Variants in TTC38 observed in about 807,000 individuals in gnomAD.
The protein encoded by TTC38 is tetratricopeptide repeat protein 38.
In TTC38, 64 loss-of-function variants were observed where a neutral mutation model predicts 64.2. The ratio of observed to expected loss-of-function variants is 1.00; its 90% CI spans 0.81 to 1.23. The LOEUF is 1.23. Ranked by LOEUF, TTC38 falls within the 50% of genes most tolerant of loss-of-function variation. TTC38 has a pLI of 0.00. For missense variants in TTC38, 573 were observed against 615.5 expected, an observed-to-expected ratio of 0.93 and a Z score of 0.73; for synonymous variants, 254 against 249.3, an observed-to-expected ratio of 1.02 and a Z score of -0.18.
Position 46,268,036 on chromosome 22 carries a change from C to G in TTC38, c.-4C>G, listed in dbSNP as rs974091141. 7.1e-6 allele frequency: 11 copies of G among 1,540,630 alleles called. No individual in the cohort carries two copies. The East Asian group carries it at 2.5e-4, about 35-fold the overall frequency. ...GCTCGCGGTGGACTCCGACCCGGCG[C>G]AACATGGCCGCAGCCTCGCCTCTGC... On this transcript the variant is annotated 5_prime_UTR_variant, in exon 1 of 14. Transcript: ENST00000381031.
At position 46,273,938 on chromosome 22, in the gene TTC38, C is replaced by T; in HGVS notation, c.234C>T (p.Gly78=). 1 of 1,614,240 alleles carries T rather than the reference C, an allele frequency of 6.2e-7. No homozygotes were observed. The highest frequency in any genetic ancestry group is 8.5e-7 in the Non-Finnish European group (1 of 1,180,052). The change falls in exon 4 of 14, where the codon GGC becomes GGT. Residue 78 remains glycine, a synonymous_variant. Coordinates refer to ENST00000381031, the MANE Select transcript of TTC38 (RefSeq NM_017931.4). The surrounding 1 kb of genome is among the most constrained non-coding windows in gnomAD (Gnocchi z 5.1). The part of the protein sequence containing the change: ...HAMATGLVLI[G]TGSSVKLDKE... Reference sequence around the variant, plus strand: ...TGGCTACTGGCCTTGTGCTGATTGGCACTGGAAGCTCCGTGAAGCTGGACA... The same window carrying T: ...TGGCTACTGGCCTTGTGCTGATTGGTACTGGAAGCTCCGTGAAGCTGGACA...
In TTC38 at chr22:46,270,438, A is replaced by T. The variant is rs1402673607; in HGVS notation, c.111+1847A>T. On this transcript the variant is annotated intron_variant, in intron 2 of 13. Transcript: ENST00000381031. The surrounding 1 kb of genome is among the most constrained non-coding windows in gnomAD (Gnocchi z 4.7). ...TGTGTAGATGTAGGTTAGACAGCTG[A>T]AAGGGCATATTTTAAAATCTAATGT... Among the ~76,000 whole-genome samples, 1 of 150,442 alleles carries T rather than the reference A, an allele frequency of 6.6e-6. No homozygotes were observed. Among genetic ancestry groups the T allele is most frequent in the East Asian group, 2.0e-4 (1 of 5,110 alleles).
At position 46,291,714 on chromosome 22, in the gene TTC38, G is replaced by A. The variant is rs1007081973; in HGVS notation, c.1317-1077G>A. Among the ~76,000 whole-genome samples, 2 of 152,144 alleles carry A rather than the reference G, an allele frequency of 1.3e-5. No homozygotes were observed. Among genetic ancestry groups the A allele is most frequent in the South Asian group, 2.1e-4 (1 of 4,832 alleles). The stretch of plus-strand genomic sequence containing the variant: ...TCATGCCTGTAATCCCAGCACTTTC[G>A]GAGGCCAAGGCGGGTGGATCACCTG... On this transcript the variant is annotated intron_variant, in intron 13 of 13. Coordinates refer to ENST00000381031, the MANE Select transcript of TTC38 (RefSeq NM_017931.4). The surrounding 1 kb of genome is among the most constrained non-coding windows in gnomAD (Gnocchi z 4.6).
Position 46,287,170 on chromosome 22 carries a change from GC to G in TTC38, c.916+20del. Reference sequence around the variant, plus strand: ...CAGATGGAAGGTAGCCATCCCTGCAGCCCCACTGGCTTCTGCCTCTTCCTCC... The same window carrying G: ...CAGATGGAAGGTAGCCATCCCTGCAGCCCACTGGCTTCTGCCTCTTCCTCC... On this transcript the variant is annotated intron_variant, in intron 10 of 13. Transcript: ENST00000381031. 6.3e-7 allele frequency: 1 copy of G among 1,590,730 alleles called. No homozygotes were observed.
At position 46,292,973 on chromosome 22, in the gene TTC38, G is replaced by C. The variant is rs949768716; in HGVS notation, c.*89G>C. The C allele has an allele frequency of 3.0e-6, 3 of 1,010,106 alleles. No individual in the cohort carries two copies. Among genetic ancestry groups the C allele is most frequent in the Non-Finnish European group, 4.6e-6 (3 of 647,654 alleles). The allele number at this position is 1,010,106 out of a possible 1,614,324, so 62.6% of individuals were successfully genotyped here. Reference sequence around the variant, plus strand: ...CTCCACCGGGTTAGGGTCAGGAGACGGCCAGAGCCTGTTTGTTAGGGCTGT... The same window carrying C: ...CTCCACCGGGTTAGGGTCAGGAGACCGCCAGAGCCTGTTTGTTAGGGCTGT... On this transcript the variant is annotated 3_prime_UTR_variant, in exon 14 of 14. Transcript: ENST00000381031. This position sits in a 1 kb window ranked among gnomAD's most constrained non-coding sequence, Gnocchi z 6.5.
chr22:46,288,643 G>A (rs1249480096), intron 11 of TTC38, 55 bp downstream of exon 11: 6 of 1,562,480 alleles, frequency 3.8e-6, no homozygotes, highest in Non-Finnish European at 5.2e-6. Context: ...AGAGGGTGAG[G>A]GGGTGCTAGG....
Position 46,290,514 on chromosome 22 carries a change from G to C in TTC38, c.1316+615G>C, listed in dbSNP as rs1274903448. 1.0e-3 allele frequency among the ~76,000 whole-genome samples: 130 copies of C among 129,416 alleles called. 3 individuals carry two copies. The highest frequency in any genetic ancestry group is 3.4e-3 in the African/African-American group (119 of 35,076). 84.9% of individuals were successfully genotyped at this position (129,416 alleles called of 152,430 possible). On this transcript the variant is annotated intron_variant, in intron 13 of 13. Transcript: ENST00000381031. ...GGTGAGTGTTAGGGTGGCATGGCTG[G>C]AGGGTGAGTGTGTTAGGGCAGCGTG...
At chr22:46,283,452 C>CTAAA (rs2077549019) in intron 7 of TTC38, among the ~76,000 whole-genome samples, 3 of 152,184 alleles carry the variant, frequency 2.0e-5, no homozygotes, top group Non-Finnish European at 4.4e-5. Context: ...CCTCAGTTTC[C>CTAAA]TCCTTGGTAA....
rs910182422 is a variant in TTC38 at position 46,291,278 on chromosome 22, G to A, written c.1316+1379G>A. On this transcript the variant is annotated intron_variant, in intron 13 of 13. Coordinates refer to ENST00000381031, the MANE Select transcript of TTC38 (RefSeq NM_017931.4). The surrounding 1 kb of genome is among the most constrained non-coding windows in gnomAD (Gnocchi z 4.6). ...GGGAGTTGGTGCCTCTGGCAGCAGC[G>A]GTGGGGAAAGTGGCTGTGTGGACAG... Among the ~76,000 whole-genome samples, 1 of 152,230 alleles carries A rather than the reference G, an allele frequency of 6.6e-6. No homozygotes were observed. Among genetic ancestry groups the A allele is most frequent in the Non-Finnish European group, 1.5e-5 (1 of 68,046 alleles).
chr22:46,287,058 CG>C lies in TTC38; in HGVS notation c.835-14del, dbSNP rs2077576512. On this transcript the variant is annotated splice_polypyrimidine_tract_variant and intron_variant, in intron 9 of 13. Transcript: ENST00000381031. ...GGCCACCCGCTGAGCCCGCCTTGGC[CG>C]CCCTGTCTTCCAGATCCTTCCCAGC... 6.3e-7 allele frequency: 1 copy of C among 1,589,182 alleles called. No homozygotes were observed. Among genetic ancestry groups the C allele is most frequent in the East Asian group, 2.2e-5 (1 of 44,472 alleles).
In TTC38 at chr22:46,268,851, ATTTTTTTTGT is replaced by A. The variant is rs1601862009; in HGVS notation, c.111+261_111+270del. On this transcript the variant is annotated intron_variant, in intron 2 of 13. Coordinates refer to ENST00000381031, the MANE Select transcript of TTC38 (RefSeq NM_017931.4). Reference sequence around the variant, plus strand: ...AGGCGCCCGCCACTGCCCTCGACTAATTTTTTTTGTATTTTTTAGTAGAGACGGGGTTTCA... The same window carrying A: ...AGGCGCCCGCCACTGCCCTCGACTAAATTTTTTAGTAGAGACGGGGTTTCA... The A allele has an allele frequency of 7.3e-6, 3 of 410,970 alleles. No homozygotes were observed. In the East Asian group the frequency reaches 1.5e-4, roughly 21 times the overall value. 25.5% of individuals were successfully genotyped at this position (410,970 alleles called of 1,614,324 possible). A position where few individuals can be genotyped will look rare whatever the true frequency, so the allele number is the denominator to read the frequency against.
chr22:46,275,208 A>AT lies in TTC38; in HGVS notation c.366-39dup. 2 of 1,586,820 alleles carry AT rather than the reference A, an allele frequency of 1.3e-6. No homozygotes were observed. Among genetic ancestry groups the AT allele is most frequent in the Non-Finnish European group, 1.7e-6 (2 of 1,161,518 alleles). ...CTTACACTCCCTGTGTGGGTGGACT[A>AT]TGTGTTCAGCGTTGGTGAGAAATCT... is the stretch of plus-strand genomic sequence containing the variant. On this transcript the variant is annotated intron_variant, in intron 4 of 13. Transcript: ENST00000381031. The surrounding 1 kb of genome is among the most constrained non-coding windows in gnomAD (Gnocchi z 4.5).
At chr22:46,279,447 G>GATAGAGC (rs2077517274) in intron 6 of TTC38, among the ~76,000 whole-genome samples, 1 of 152,194 alleles carries the variant, frequency 6.6e-6, no homozygotes, top group Non-Finnish European at 1.5e-5. Context: ...AGAGGCCAAG[G>GATAGAGC]CTAGAGCCTG....
Position 46,282,020 on chromosome 22 carries a change from C to T in TTC38, c.735+302C>T, listed in dbSNP as rs2077538699. 3.7e-6 allele frequency: 2 copies of T among 547,538 alleles called. No homozygotes were observed. Among genetic ancestry groups the T allele is most frequent in the South Asian group, 1.5e-5 (1 of 65,072 alleles). The allele number at this position is 547,538 out of a possible 1,614,324, so 33.9% of individuals were successfully genotyped here. On this transcript the variant is annotated intron_variant, in intron 7 of 13. Coordinates refer to ENST00000381031, the MANE Select transcript of TTC38 (RefSeq NM_017931.4). This position sits in a 1 kb window ranked among gnomAD's most constrained non-coding sequence, Gnocchi z 4.4. ...CCTCTTCAAAGCACATGAGCTGCAC[C>T]ATGACGGGGACCCTCTGTGGGATGT...
chr22:46,282,030 A>G lies in TTC38; in HGVS notation c.735+312A>G, dbSNP rs907176563. The stretch of plus-strand genomic sequence containing the variant: ...GCACATGAGCTGCACCATGACGGGG[A>G]CCCTCTGTGGGATGTGGAAACGCAG... On this transcript the variant is annotated intron_variant, in intron 7 of 13. Transcript: ENST00000381031. The surrounding 1 kb of genome is among the most constrained non-coding windows in gnomAD (Gnocchi z 4.4). 3.8e-6 allele frequency: 2 copies of G among 529,752 alleles called. No homozygotes were observed. The highest frequency in any genetic ancestry group is 1.0e-4 in the East Asian group (2 of 19,242). The allele number at this position is 529,752 out of a possible 1,614,324, so 32.8% of individuals were successfully genotyped here.
In TTC38 at chr22:46,292,856, A is replaced by C; in HGVS notation, c.1382A>C (p.Lys461Thr). ...CCCCTGACCGAGCGGCTCATCCGCA[A>C]GGCAGCTACCGTCCACCTCATGCAG... ...NSPLTERLIR[K>T]AATVHLMQ The change falls in exon 14 of 14, where the codon AAG becomes ACG. Residue 461 changes from lysine (K) to threonine (T), a missense_variant. Lys to Thr is a moderately conservative substitution (Grantham distance 78). Around this residue, in one of 3 missense-constraint regions of TTC38, gnomAD observed 371 missense variants for 381.8 expected, o/e 0.97. Transcript: ENST00000381031. This position sits in a 1 kb window ranked among gnomAD's most constrained non-coding sequence, Gnocchi z 6.5. The C allele has an allele frequency of 1.2e-6, 2 of 1,613,886 alleles. No homozygotes were observed. The highest frequency in any genetic ancestry group is 1.7e-6 in the Non-Finnish European group (2 of 1,179,868).
Position 46,270,521 on chromosome 22 carries a change from A to C in TTC38, c.112-1814A>C, listed in dbSNP as rs1348670995. On this transcript the variant is annotated intron_variant, in intron 2 of 13. Transcript: ENST00000381031. This position sits in a 1 kb window ranked among gnomAD's most constrained non-coding sequence, Gnocchi z 4.7. ...GGCATTTGAGTAAAGGACCAGGTAC[A>C]AATACAGCAAATTGTTAAAAATGAT... is the stretch of plus-strand genomic sequence containing the variant. 1.3e-5 allele frequency among the ~76,000 whole-genome samples: 2 copies of C among 152,168 alleles called. No individual in the cohort carries two copies. Among genetic ancestry groups the C allele is most frequent in the Admixed American group, 6.5e-5 (1 of 15,274 alleles).
chr22:46,280,331 G>T (rs1357909150), intron 6 of TTC38: 1 of 390,818 alleles, frequency 2.6e-6, no homozygotes, highest in Non-Finnish European at 5.2e-6. Flanking sequence ...CCAGGAGCCA[G>T]GGCTGTAGAG....
intron 2 of TTC38, chr22:46,268,795 G>T (rs543036106): frequency 5.8e-6 from 3 of 520,030 alleles, no homozygotes; most frequent in African/African-American, 1.9e-5. Context: ...CGCCATTCTC[G>T]TCCCTCAGCC....
Sources: allele counts gnomAD v4.1 joint callset (sites outside exome capture counted in the v4.1 genomes callset), GRCh38; gene constraint gnomAD v4.1.1; regional missense constraint gnomAD v4.1.1; non-coding constraint Gnocchi (gnomAD v3.1); transcripts MANE v1.5; gene names NCBI Gene and HGNC (gene_info 2026-07-23, HGNC 2026-07-21).